Variants in ST8SIA2 observed in about 807,000 individuals in gnomAD.
The protein encoded by ST8SIA2 is alpha-2,8-sialyltransferase 8B.
In ST8SIA2, 22 loss-of-function variants were observed where a neutral mutation model predicts 37.6. That is an observed-to-expected ratio of 0.58 (90% CI 0.42 to 0.83). The LOEUF (loss-of-function observed/expected upper bound fraction) is 0.83, where lower values mean the gene tolerates loss of function less well. Ranked by LOEUF, ST8SIA2 falls within the 40% of genes least tolerant of loss-of-function variation. The pLI, the probability that ST8SIA2 is intolerant of heterozygous loss-of-function variation, is 0.00. For missense variants in ST8SIA2, 382 were observed against 484.7 expected (o/e 0.79, Z 1.99); for synonymous variants, 205 against 201.2 (o/e 1.02, Z -0.16).
At position 92,434,450 on chromosome 15, in the gene ST8SIA2, A is replaced by T. The variant is rs189626342; in HGVS notation, c.290+75A>T. 8 of 1,600,718 alleles carry T rather than the reference A, an allele frequency of 5.0e-6. No individual in the cohort carries two copies. The Admixed American group carries it at 1.2e-4, about 23-fold the overall frequency. On this transcript the variant is annotated intron_variant, in intron 3 of 5. Coordinates refer to ENST00000268164, the MANE Select transcript of ST8SIA2 (RefSeq NM_006011.4). ...CACGGGCAAATTGCTTCTCTTCGTCATCTAAAGAAGTCAGGATAGAAATAA... is the reference window on the plus strand; with the variant it reads ...CACGGGCAAATTGCTTCTCTTCGTCTTCTAAAGAAGTCAGGATAGAAATAA...
rs143806864 is a variant in ST8SIA2 at position 92,397,040 on chromosome 15, G to A, written c.98+2878G>A. On this transcript the variant is annotated intron_variant, in intron 1 of 5. Coordinates refer to ENST00000268164, the MANE Select transcript of ST8SIA2 (RefSeq NM_006011.4). ...GGAGGATTACAGATGATCTGCGCGT[G>A]TCGGCCCCTGGGAGAAAGCGATGGC... 3.4e-3 allele frequency among the ~76,000 whole-genome samples: 521 copies of A among 152,320 alleles called. 6 individuals are homozygous for A. Among genetic ancestry groups the A allele is most frequent in the African/African-American group, 0.011 (466 of 41,566 alleles).
chr15:92,398,657 G>A (rs2049449251), intron 1 of ST8SIA2, among the ~76,000 whole-genome samples: 1 of 152,198 alleles, frequency 6.6e-6, no homozygotes. Context: ...ACCCTCTAAG[G>A]TAGGTACCAT....
At chr15:92,424,615 TC>T (rs1456481285) in intron 1 of ST8SIA2, among the ~76,000 whole-genome samples, 1 of 149,618 alleles carries the variant, frequency 6.7e-6, no homozygotes, top group Admixed American at 6.6e-5. Context: ...AGTTTGACAT[TC>T]TTTTTTTTTT....
rs142233650 is a variant in ST8SIA2 at position 92,434,266 on chromosome 15, G to A, written c.181G>A (p.Gly61Ser). Residue 61 changes from glycine to serine, a missense_variant, in exon 3 of 6, where the codon GGC becomes AGC. Transcript: ENST00000268164. ...TTCCAGAGCTGAAGTTGTAATAAAC[G>A]GCTCCTCATCACCAGCTGTTGTTGA... ...KSNRAEVVIN[G>S]SSSPAVVDRS... 2.3e-4 allele frequency: 378 copies of A among 1,613,570 alleles called. No individual in the cohort carries two copies. The highest frequency in any genetic ancestry group is 3.1e-4 in the Non-Finnish European group (366 of 1,179,944).
intron 1 of ST8SIA2, among the ~76,000 whole-genome samples, chr15:92,404,667 CAAA>C (rs35691790): frequency 1.5e-4 from 16 of 105,186 alleles, no homozygotes; most frequent in East Asian, 4.9e-4. Context: ...ACTAAAAATA[CAAA>C]AAAAAAAAAA....
chr15:92,463,277 G>A (rs750360370), intron 5 of ST8SIA2, among the ~76,000 whole-genome samples: 2 of 152,186 alleles, frequency 1.3e-5, no homozygotes, highest in Admixed American at 6.5e-5. Context: ...ACGACTTGAG[G>A]CAGGAAGCGG....
chr15:92,421,758 C>G (rs1266009501), intron 1 of ST8SIA2, among the ~76,000 whole-genome samples: 2 of 152,198 alleles, frequency 1.3e-5, no homozygotes, highest in African/African-American at 4.8e-5. Context: ...AAGAGAGATT[C>G]AGGTATCACA....
chr15:92,431,685 G>T (rs575527464), intron 2 of ST8SIA2, among the ~76,000 whole-genome samples: 1 of 152,186 alleles, frequency 6.6e-6, no homozygotes, highest in South Asian at 2.1e-4. Context: ...CCAATCCAAC[G>T]TGTTTGTGCA....
chr15:92,403,426 G>A (rs1384899165), intron 1 of ST8SIA2, among the ~76,000 whole-genome samples: 1 of 152,140 alleles, frequency 6.6e-6, no homozygotes, highest in African/African-American at 2.4e-5. Flanking sequence ...TGAGACGATA[G>A]AATAGACTCA....
intron 5 of ST8SIA2, among the ~76,000 whole-genome samples, chr15:92,457,977 C>A (rs897827701): frequency 2.0e-5 from 3 of 152,212 alleles, no homozygotes; most frequent in African/African-American, 7.2e-5. Context: ...GCCGCAGTTA[C>A]AAAGCTGTGT....
chr15:92,396,470 GTT>G (rs111488508), intron 1 of ST8SIA2, among the ~76,000 whole-genome samples: 1 of 143,612 alleles, frequency 7.0e-6, no homozygotes, highest in Non-Finnish European at 1.5e-5. Context: ...GTTTGTTTTT[GTT>G]TTTTTTTTTG....
At chr15:92,438,903 T>A (rs1183363637) in intron 4 of ST8SIA2, among the ~76,000 whole-genome samples, 1 of 152,170 alleles carries the variant, frequency 6.6e-6, no homozygotes, top group African/African-American at 2.4e-5. Flanking sequence ...GAATCACTGA[T>A]CCACAGCAAA....
chr15:92,464,159 C>T lies in ST8SIA2; in HGVS notation c.902C>T (p.Thr301Ile). The T allele has an allele frequency of 6.4e-7, 1 of 1,565,246 alleles. No individual in the cohort carries two copies. The change falls in exon 6 of 6, where the codon ACC (threonine) becomes ATC (isoleucine). Residue 301 changes from threonine (T) to isoleucine (I), a missense_variant. Transcript: ENST00000268164. ...CCCACCACCGGCCTCTTGATGTATA[C>T]CCTGGCCACACGTTTCTGCAAACAA... ...KRPTTGLLMY[T>I]LATRFCKQIY...
intron 5 of ST8SIA2, among the ~76,000 whole-genome samples, chr15:92,452,099 A>C (rs1347332087): frequency 6.6e-6 from 1 of 152,230 alleles, no homozygotes; most frequent in Non-Finnish European, 1.5e-5. Context: ...TTTTCAGCAA[A>C]GATGAGTCTT....
chr15:92,433,693 C>T (rs936512600), intron 2 of ST8SIA2, among the ~76,000 whole-genome samples: 3 of 152,206 alleles, frequency 2.0e-5, no homozygotes, highest in East Asian at 1.9e-4. Flanking sequence ...CGTACAGTCT[C>T]CTATGAGGGA....
intron 5 of ST8SIA2, among the ~76,000 whole-genome samples, chr15:92,446,533 T>C (rs907809144): frequency 1.3e-5 from 2 of 152,240 alleles, no homozygotes; most frequent in Non-Finnish European, 2.9e-5. Context: ...TCTGCATATA[T>C]TTATTGAGTG....
chr15:92,448,054 C>T (rs1387873928), intron 5 of ST8SIA2, among the ~76,000 whole-genome samples: 1 of 152,166 alleles, frequency 6.6e-6, no homozygotes, highest in Non-Finnish European at 1.5e-5. Flanking sequence ...GAAACTGATG[C>T]AGCCAGATCT....
rs1244675467 is a variant in ST8SIA2, at chr15:92,393,977, G to T, written c.-88G>T. On this transcript the variant is annotated 5_prime_UTR_variant, in exon 1 of 6. Coordinates refer to ENST00000268164, the MANE Select transcript of ST8SIA2 (RefSeq NM_006011.4). ...GGGTGTCTGCCCAGCTGCGCGCGGC[G>T]CGCGGAGGCTCCGGCGTCCGCCGCT... 1.1e-6 allele frequency: 1 copy of T among 875,024 alleles called. No homozygotes were observed. The highest frequency in any genetic ancestry group is 4.3e-5 in the East Asian group (1 of 23,432). The allele number at this position is 875,024 out of a possible 1,614,324, so 54.2% of individuals were successfully genotyped here.
chr15:92,401,979 G>A (rs933978277), intron 1 of ST8SIA2, among the ~76,000 whole-genome samples: 1 of 151,782 alleles, frequency 6.6e-6, no homozygotes, highest in African/African-American at 2.4e-5. Flanking sequence ...GCCATTGCCT[G>A]AAAAGAACTC....
Sources: allele counts gnomAD v4.1 joint callset (sites outside exome capture counted in the v4.1 genomes callset), GRCh38; gene constraint gnomAD v4.1.1; transcripts MANE v1.5; gene names NCBI Gene and HGNC (gene_info 2026-07-23, HGNC 2026-07-21).